Variants in MAML3 observed in about 807,000 individuals in gnomAD.
MAML3 encodes the protein mastermind like transcriptional coactivator 3.
Under a neutral mutation model 101.9 loss-of-function variants are expected in MAML3, and 27 were observed. That is an observed-to-expected ratio of 0.27 (90% CI 0.20 to 0.37). The LOEUF is 0.37. MAML3 is among the 10% of genes least tolerant of loss of function. MAML3 has a pLI of 1.00. For synonymous variants in MAML3, 501 were observed against 555.9 expected, an observed-to-expected ratio of 0.90 and a Z score of 1.39; for missense variants, 1,316 against 1,444.9, an observed-to-expected ratio of 0.91 and a Z score of 1.45.
intron 2 of MAML3, among the ~76,000 whole-genome samples, chr4:139,736,982 C>G (rs898898382): frequency 6.6e-6 from 1 of 152,102 alleles, no homozygotes; most frequent in South Asian, 2.1e-4. Flanking sequence ...AATGCAAACC[C>G]AAGAATTCTG....
At chr4:139,952,131 C>G (rs942498583) in intron 1 of MAML3, among the ~76,000 whole-genome samples, 1 of 152,152 alleles carries the variant, frequency 6.6e-6, no homozygotes, top group African/African-American at 2.4e-5. Flanking sequence ...TGCCATTGCA[C>G]TCCAGCCTAA....
intron 2 of MAML3, among the ~76,000 whole-genome samples, chr4:139,870,166 A>G (rs763764230): frequency 6.6e-6 from 1 of 152,222 alleles, no homozygotes; most frequent in Non-Finnish European, 1.5e-5. Context: ...CAGCTTCTGT[A>G]CTATCGACAT....
intron 1 of MAML3, among the ~76,000 whole-genome samples, chr4:139,907,897 C>T (rs1332937536): frequency 6.6e-6 from 1 of 152,170 alleles, no homozygotes; most frequent in Admixed American, 6.5e-5. Flanking sequence ...CTGAACGTGT[C>T]AGTTTGGGTA....
chr4:140,143,684 C>G (rs1729011819), intron 1 of MAML3, among the ~76,000 whole-genome samples: 1 of 152,130 alleles, frequency 6.6e-6, no homozygotes, highest in Non-Finnish European at 1.5e-5. Flanking sequence ...TCGCTTCAAC[C>G]CAGGAGGTGG....
At chr4:139,960,107 A>G (rs777970429) in intron 1 of MAML3, among the ~76,000 whole-genome samples, 2 of 152,160 alleles carry the variant, frequency 1.3e-5, no homozygotes, top group Non-Finnish European at 2.9e-5. Context: ...CAGAAACCCT[A>G]CATTGGGGGA....
rs368792938 is a variant in MAML3, at chr4:139,719,733, G to A, written c.3007C>T (p.Pro1003Ser). Residue 1003 changes from proline to serine, a missense_variant, in exon 5 of 5, where the codon CCA becomes TCA. Transcript: ENST00000509479. ...ACGACTGACTGGCTCAGTCCCTGTG[G>A]GAAGTGCTGCTTGGTCAGTCTCGGC... ...GQPRLTKQHF[P>S]QGLSQSVVDA... 1.4e-5 allele frequency: 22 copies of A among 1,613,728 alleles called. No individual in the cohort carries two copies. The highest frequency in any genetic ancestry group is 1.7e-5 in the Non-Finnish European group (20 of 1,179,844).
At chr4:139,733,490 G>A (rs1275904719) in intron 2 of MAML3, among the ~76,000 whole-genome samples, 5 of 147,242 alleles carry the variant, frequency 3.4e-5, no homozygotes, top group African/African-American at 1.0e-4. Context: ...GGGTGACGAC[G>A]ATACATCAAA....
intron 1 of MAML3, among the ~76,000 whole-genome samples, chr4:140,065,071 C>T (rs1727511648): frequency 1.3e-5 from 2 of 152,170 alleles, no homozygotes; most frequent in Non-Finnish European, 2.9e-5. Context: ...TGCCTTTTCA[C>T]GGACATGTAA....
chr4:140,021,324 AT>A (rs1726729614), intron 1 of MAML3, among the ~76,000 whole-genome samples: 2 of 152,224 alleles, frequency 1.3e-5, no homozygotes, highest in Admixed American at 1.3e-4. Flanking sequence ...AGCAATAGAA[AT>A]TAACTAGGGC....
At chr4:140,007,543 G>C (rs1726472031) in intron 1 of MAML3, among the ~76,000 whole-genome samples, 1 of 152,178 alleles carries the variant, frequency 6.6e-6, no homozygotes, top group Admixed American at 6.5e-5. Context: ...TAGAAAGAAA[G>C]AGGAAAGAGA....
At chr4:140,050,071 C>T (rs560287841) in intron 1 of MAML3, among the ~76,000 whole-genome samples, 63 of 152,146 alleles carry the variant, frequency 4.1e-4, no homozygotes, top group African/African-American at 1.5e-3. Flanking sequence ...AAGAAGGATG[C>T]TGATAGAAGT....
At chr4:139,739,063 T>A (rs528923303) in intron 2 of MAML3, among the ~76,000 whole-genome samples, 112 of 152,316 alleles carry the variant, frequency 7.4e-4, no homozygotes, top group African/African-American at 2.6e-3. Context: ...CTTCCCAGTA[T>A]CCAGCACAGA....
chr4:139,975,262 C>G (rs1734307283), intron 1 of MAML3, among the ~76,000 whole-genome samples: 1 of 152,204 alleles, frequency 6.6e-6, no homozygotes, highest in African/African-American at 2.4e-5. Context: ...AGGCACACTT[C>G]AAGCATTTTC....
chr4:140,109,335 A>G (rs544826687), intron 1 of MAML3, among the ~76,000 whole-genome samples: 12 of 152,308 alleles, frequency 7.9e-5, no homozygotes, highest in African/African-American at 2.6e-4. Flanking sequence ...TTTCATGATA[A>G]TGATTTCTTA....
At chr4:139,892,344 T>G (rs1322941896) in intron 1 of MAML3, among the ~76,000 whole-genome samples, 1 of 152,172 alleles carries the variant, frequency 6.6e-6, no homozygotes, top group Admixed American at 6.5e-5. Flanking sequence ...ACTTGAGCAT[T>G]TTTCTTGAAA....
intron 1 of MAML3, among the ~76,000 whole-genome samples, chr4:140,093,022 G>T (rs144744459): frequency 7.2e-4 from 110 of 152,280 alleles, no homozygotes; most frequent in African/African-American, 2.4e-3. Context: ...TCCACCCAGG[G>T]CTAGCCTACA....
intron 1 of MAML3, among the ~76,000 whole-genome samples, chr4:140,086,300 C>T (rs1727950551): frequency 6.6e-6 from 1 of 152,244 alleles, no homozygotes; most frequent in Admixed American, 6.5e-5. Context: ...TGAAACTTCT[C>T]TTCCTTGAAT....
intron 1 of MAML3, among the ~76,000 whole-genome samples, chr4:140,056,160 T>C (rs1469683372): frequency 1.3e-5 from 2 of 152,110 alleles, no homozygotes; most frequent in Non-Finnish European, 2.9e-5. Context: ...GTGTATGCAG[T>C]CCTCCATGCG....
In MAML3 at chr4:139,734,680, TGTG is replaced by T. The variant is rs141498115; in HGVS notation, c.2080-4016_2080-4014del. On this transcript the variant is annotated intron_variant, in intron 2 of 4. Coordinates refer to ENST00000509479, the MANE Select transcript of MAML3 (RefSeq NM_018717.5). ...GCAGTTTTCGACTTCAAAAAACAGT[TGTG>T]GTAAAAATATCTCCCAAGAACAGCC... 5.8e-4 allele frequency among the ~76,000 whole-genome samples: 89 copies of T among 152,388 alleles called. 2 individuals are homozygous for T. In the East Asian group the frequency reaches 0.015, roughly 26 times the overall value.
Sources: allele counts gnomAD v4.1 joint callset (sites outside exome capture counted in the v4.1 genomes callset), GRCh38; gene constraint gnomAD v4.1.1; transcripts MANE v1.5; gene names NCBI Gene and HGNC (gene_info 2026-07-23, HGNC 2026-07-21).